Variants in CYP4Z1 observed in about 807,000 individuals in gnomAD.
CYP4Z1 encodes the protein cytochrome P450 4Z1.
A neutral mutation model predicts 54.2 loss-of-function variants in CYP4Z1; 41 were observed. The observed-to-expected ratio is 0.76, with a 90% CI of 0.59 to 0.98. The LOEUF (loss-of-function observed/expected upper bound fraction) is 0.98, where lower values mean the gene tolerates loss of function less well. CYP4Z1 is among the 50% of genes least tolerant of loss of function. The pLI is 0.00. For missense variants in CYP4Z1, 513 were observed against 599.0 expected, an observed-to-expected ratio of 0.86 and a Z score of 1.50; for synonymous variants, 163 against 206.2, an observed-to-expected ratio of 0.79 and a Z score of 1.79.
chr1:47,057,335 A>AAAAAAAAAATATATAT, the CYP4Z1 span, among the ~76,000 whole-genome samples: 50 of 28,404 alleles, frequency 1.8e-3, 1 homozygote, highest in Non-Finnish European at 3.0e-3. Context: ...AAGAAAAAAA[A>AAAAAAAAAATATATAT]ATATATATAT....
chr1:47,079,224 T>C (rs1644546438), intron 2 of CYP4Z1, among the ~76,000 whole-genome samples: 1 of 152,164 alleles, frequency 6.6e-6, no homozygotes, highest in Non-Finnish European at 1.5e-5. Flanking sequence ...TCTTCAAGAT[T>C]GCCATGGTAC....
rs1044177567 is a variant in CYP4Z1, at chr1:47,118,188, G to C, written c.*254G>C. On this transcript the variant is annotated 3_prime_UTR_variant, in exon 12 of 12. Transcript: ENST00000334194. ...GGGAAATTATTGGTTTGTGTAACTAGTGGTAGAGTGGCTTTCAAGCATAGT... is the reference window on the plus strand; with the variant it reads ...GGGAAATTATTGGTTTGTGTAACTACTGGTAGAGTGGCTTTCAAGCATAGT... 3 of 346,312 alleles carry C rather than the reference G, an allele frequency of 8.7e-6. No homozygotes were observed. The Admixed American group carries it at 1.2e-4, about 14-fold the overall frequency. 21.5% of individuals were successfully genotyped at this position (346,312 alleles called of 1,614,324 possible).
chr1:47,089,081 G>A (rs1280344218), intron 6 of CYP4Z1, among the ~76,000 whole-genome samples: 5 of 148,576 alleles, frequency 3.4e-5, no homozygotes, highest in African/African-American at 1.0e-4. Flanking sequence ...CTATTTAACC[G>A]ATTTTTATCC....
intron 6 of CYP4Z1, among the ~76,000 whole-genome samples, chr1:47,088,326 G>A (rs1381170602): frequency 6.6e-6 from 1 of 152,036 alleles, no homozygotes; most frequent in Non-Finnish European, 1.5e-5. Flanking sequence ...ATCTGGTCCT[G>A]TACTTTTTTT....
chr1:47,096,458 CTG>C (rs1483182265), intron 7 of CYP4Z1, among the ~76,000 whole-genome samples: 1 of 152,012 alleles, frequency 6.6e-6, no homozygotes, highest in Non-Finnish European at 1.5e-5. Context: ...ATAGTACACA[CTG>C]TTTTTATTTT....
intron 8 of CYP4Z1, among the ~76,000 whole-genome samples, chr1:47,105,513 CT>C (rs1644750351): frequency 6.6e-6 from 1 of 152,162 alleles, no homozygotes; most frequent in Non-Finnish European, 1.5e-5. Context: ...CTCACTTATT[CT>C]TTTCCCAAAT....
the CYP4Z1 span, among the ~76,000 whole-genome samples, chr1:47,055,588 A>G: frequency 6.6e-6 from 1 of 152,144 alleles, no homozygotes; most frequent in South Asian, 2.1e-4. Context: ...TTATTGCCTC[A>G]ATTTCAGAGC....
intron 9 of CYP4Z1, among the ~76,000 whole-genome samples, chr1:47,109,341 G>A (rs562612034): frequency 1.8e-3 from 271 of 152,260 alleles, no homozygotes; most frequent in Non-Finnish European, 2.6e-3. Context: ...AGAAAGACTT[G>A]CAGAGAGTAG....
chr1:47,103,969 G>C (rs188753584), intron 8 of CYP4Z1, among the ~76,000 whole-genome samples: 1 of 152,172 alleles, frequency 6.6e-6, no homozygotes, highest in East Asian at 1.9e-4. Flanking sequence ...TTTTGATTGG[G>C]ATATGTTGCT....
chr1:47,059,130 G>A, the CYP4Z1 span, among the ~76,000 whole-genome samples: 5 of 152,054 alleles, frequency 3.3e-5, no homozygotes, highest in Non-Finnish European at 7.4e-5. Flanking sequence ...CATTGCCTGA[G>A]ATTCATAAGA....
intron 8 of CYP4Z1, among the ~76,000 whole-genome samples, chr1:47,103,586 CT>C (rs1187392124): frequency 8.3e-6 from 1 of 119,844 alleles, no homozygotes; most frequent in Non-Finnish European, 1.7e-5. Context: ...TTTTTTTTTT[CT>C]TTTTTTTCTT....
chr1:47,118,124 A>G lies in CYP4Z1; in HGVS notation c.*190A>G. ...TTTGCTGTATCTGGTGAAACCCACA[A>G]AAACACCTGAAAAAACTCAAGCTGA... On this transcript the variant is annotated 3_prime_UTR_variant, in exon 12 of 12. Coordinates refer to ENST00000334194, the MANE Select transcript of CYP4Z1 (RefSeq NM_178134.3). 1.8e-6 allele frequency: 1 copy of G among 565,348 alleles called. No individual in the cohort carries two copies. The allele number at this position is 565,348 out of a possible 1,614,324, so 35.0% of individuals were successfully genotyped here.
intron 6 of CYP4Z1, among the ~76,000 whole-genome samples, chr1:47,085,845 C>A (rs1015758085): frequency 9.7e-6 from 1 of 103,058 alleles, no homozygotes; most frequent in East Asian, 3.5e-4. Context: ...CCACCCCCCT[C>A]CCCCCACCCC....
chr1:47,062,228 G>A, the CYP4Z1 span, among the ~76,000 whole-genome samples: 3 of 152,174 alleles, frequency 2.0e-5, no homozygotes, highest in African/African-American at 7.2e-5. Flanking sequence ...CAGATAGCAG[G>A]CAGAACTAGC....
At chr1:47,099,043 G>T (rs556599534) in intron 7 of CYP4Z1, 51 bp from the exon 8 acceptor site, 208 of 1,590,320 alleles carry the variant, frequency 1.3e-4, no homozygotes, top group Middle Eastern at 1.7e-4. Flanking sequence ...AATTGAAAAA[G>T]ATAACAATCC....
upstream of CYP4Z1, among the ~76,000 whole-genome samples, chr1:47,065,163 A>T (rs182956466): frequency 6.6e-6 from 1 of 152,178 alleles, no homozygotes; most frequent in Non-Finnish European, 1.5e-5. Flanking sequence ...GACCTAAACT[A>T]TACCCTACAA....
chr1:47,092,275 C>A (rs1209476151), intron 6 of CYP4Z1, among the ~76,000 whole-genome samples: 4 of 152,014 alleles, frequency 2.6e-5, no homozygotes, highest in African/African-American at 9.7e-5. Context: ...TACCGTCTCT[C>A]TCCTTCTCCT....
intron 2 of CYP4Z1, among the ~76,000 whole-genome samples, chr1:47,069,546 C>T (rs1644476991): frequency 6.6e-6 from 1 of 151,512 alleles, no homozygotes; most frequent in East Asian, 2.0e-4. Flanking sequence ...TCAAACTTTA[C>T]TCTGCTCCCC....
At chr1:47,076,920 A>G (rs2148527253) in intron 2 of CYP4Z1, among the ~76,000 whole-genome samples, 1 of 147,614 alleles carries the variant, frequency 6.8e-6, no homozygotes, top group South Asian at 2.2e-4. Context: ...TCTGATATTG[A>G]TTTCTAGTTT....
Sources: allele counts gnomAD v4.1 joint callset (sites outside exome capture counted in the v4.1 genomes callset), GRCh38; gene constraint gnomAD v4.1.1; transcripts MANE v1.5; gene names NCBI Gene and HGNC (gene_info 2026-07-23, HGNC 2026-07-21).